Variants in AKAP6 observed in about 807,000 individuals in gnomAD.
AKAP6 encodes A-kinase anchor protein 6.
Under a neutral mutation model 188.5 loss-of-function variants are expected in AKAP6, and 58 were observed. The ratio of observed to expected loss-of-function variants is 0.31; its 90% CI spans 0.25 to 0.38. The LOEUF (loss-of-function observed/expected upper bound fraction) is 0.38, where lower values mean the gene tolerates loss of function less well. Ranked by LOEUF, AKAP6 falls within the 10% of genes least tolerant of loss-of-function variation. The pLI, the probability that AKAP6 is intolerant of heterozygous loss-of-function variation, is 1.00. For missense variants in AKAP6, 2,710 were observed against 2,740.0 expected (o/e 0.99, Z 0.24); for synonymous variants, 989 against 998.6 (o/e 0.99, Z 0.18).
chr14:32,676,495 G>A (rs10133657), intron 7 of AKAP6, among the ~76,000 whole-genome samples: 35,289 of 151,820 alleles, frequency 0.23, 5,077 homozygotes, highest in East Asian at 0.58. Flanking sequence ...TAGATCTAGC[G>A]TTTTCTTTGT....
Position 32,409,211 on chromosome 14 carries a change from CA to C in AKAP6, c.-34-24245del, listed in dbSNP as rs1460934410. 2.0e-5 allele frequency among the ~76,000 whole-genome samples: 3 copies of C among 152,054 alleles called. No homozygotes were observed. The East Asian group carries it at 5.8e-4, about 29-fold the overall frequency. The stretch of plus-strand genomic sequence containing the variant: ...CAAGACTCCGTCTCAAAAACCAAAA[CA>C]AAACAAAAAAGATTAGCATATGAAC... On this transcript the variant is annotated intron_variant, in intron 1 of 13. Coordinates refer to ENST00000280979, the MANE Select transcript of AKAP6 (RefSeq NM_004274.5).
At chr14:32,816,093 C>A (rs2140129182) in intron 12 of AKAP6, among the ~76,000 whole-genome samples, 1 of 152,302 alleles carries the variant, frequency 6.6e-6, no homozygotes, top group South Asian at 2.1e-4. Context: ...CCATTCTCTG[C>A]TCAATAAGAG....
At chr14:32,414,057 G>T (rs191996409) in intron 1 of AKAP6, among the ~76,000 whole-genome samples, 26 of 151,992 alleles carry the variant, frequency 1.7e-4, no homozygotes, top group Admixed American at 6.6e-4. Context: ...AATAAAATGA[G>T]AAACCAGCAC....
chr14:32,813,577 A>G (rs1232732941), intron 12 of AKAP6, among the ~76,000 whole-genome samples: 2 of 152,268 alleles, frequency 1.3e-5, no homozygotes, highest in East Asian at 3.9e-4. Context: ...AAGGTATTCT[A>G]TCGCTTAGGA....
At chr14:32,352,801 T>C (rs891754987) in intron 1 of AKAP6, among the ~76,000 whole-genome samples, 5 of 152,236 alleles carry the variant, frequency 3.3e-5, no homozygotes, top group Admixed American at 6.5e-5. Flanking sequence ...ATTCATCCAT[T>C]GATGGACACT....
Position 32,545,713 on chromosome 14 carries a change from C to G in AKAP6, c.1060C>G (p.His354Asp), listed in dbSNP as rs778586322. Reference sequence around the variant, plus strand: ...GCAAGAATCCAGTTCCTCCTCCCATCATGATGCAAAGAATCAGCAGCCTGT... The same window carrying G: ...GCAAGAATCCAGTTCCTCCTCCCATGATGATGCAAAGAATCAGCAGCCTGT... The part of the protein sequence containing the change: ...VQQESSSSSH[H>D]DAKNQQPVPC... The change falls in exon 4 of 14, where the codon CAT becomes GAT. Residue 354 changes from histidine to aspartate, a missense_variant. Around this residue, in one of 2 missense-constraint regions of AKAP6, gnomAD observed 2,473 missense variants for 2,426.1 expected, o/e 1.02. Coordinates refer to ENST00000280979, the MANE Select transcript of AKAP6 (RefSeq NM_004274.5). The G allele has an allele frequency of 3.7e-6, 6 of 1,614,208 alleles. No homozygotes were observed. Among genetic ancestry groups the G allele is most frequent in the South Asian group, 1.1e-5 (1 of 91,092 alleles).
intron 2 of AKAP6, among the ~76,000 whole-genome samples, chr14:32,453,928 C>A (rs1267844263): frequency 5.3e-5 from 8 of 152,180 alleles, no homozygotes; most frequent in East Asian, 1.9e-4. Flanking sequence ...GAAATAAAAT[C>A]TTTTTCTCAT....
intron 2 of AKAP6, among the ~76,000 whole-genome samples, chr14:32,482,617 A>G (rs1320131217): frequency 2.6e-5 from 4 of 152,196 alleles, no homozygotes; most frequent in Non-Finnish European, 4.4e-5. Flanking sequence ...TCTCTGCTGT[A>G]TTCCAAGGGC....
intron 4 of AKAP6, among the ~76,000 whole-genome samples, chr14:32,563,884 T>C (rs1884072262): frequency 6.6e-6 from 1 of 152,260 alleles, no homozygotes; most frequent in South Asian, 2.1e-4. Context: ...AACAACATTC[T>C]AATTTATAAT....
At chr14:32,782,744 T>G (rs2140024051) in intron 12 of AKAP6, among the ~76,000 whole-genome samples, 1 of 152,236 alleles carries the variant, frequency 6.6e-6, no homozygotes, top group South Asian at 2.1e-4. Context: ...CTGAGAGAAA[T>G]TATTAACAAA....
chr14:32,541,295 C>T (rs1882943020), intron 3 of AKAP6, among the ~76,000 whole-genome samples: 1 of 149,060 alleles, frequency 6.7e-6, no homozygotes, highest in Non-Finnish European at 1.5e-5. Flanking sequence ...ATACTTTATT[C>T]TCTGAGATGT....
intron 2 of AKAP6, among the ~76,000 whole-genome samples, chr14:32,482,232 T>C (rs930673359): frequency 2.6e-5 from 4 of 152,206 alleles, no homozygotes; most frequent in African/African-American, 9.7e-5. Context: ...AATAAAAGCC[T>C]GAAGTTCTTG....
intron 12 of AKAP6, among the ~76,000 whole-genome samples, chr14:32,798,781 T>C (rs1160442257): frequency 6.6e-6 from 1 of 152,100 alleles, no homozygotes; most frequent in Non-Finnish European, 1.5e-5. Context: ...CTGTACTTAT[T>C]ACCTGGGTAA....
rs1162974012 is a variant in AKAP6, at chr14:32,786,298, C to CTTTTTTTTTTT, written c.3588+12422_3588+12432dup. ...CCCTCTGAAAGACCTAAACCTTTATCTTTTTTTTTTTTTTTTTTTTTTTTT... is the reference window on the plus strand; with the variant it reads ...CCCTCTGAAAGACCTAAACCTTTATCTTTTTTTTTTTTTTTTTTTTTTTTTTTTTTTTTTTT... On this transcript the variant is annotated intron_variant, in intron 12 of 13. Transcript: ENST00000280979. Among the ~76,000 whole-genome samples the CTTTTTTTTTTT allele has an allele frequency of 1.1e-3, 89 of 82,554 alleles. 9 individuals carry two copies. Among genetic ancestry groups the CTTTTTTTTTTT allele is most frequent in the Middle Eastern group, 0.019 (2 of 104 alleles). The allele number at this position is 82,554 out of a possible 152,430, so 54.2% of individuals were successfully genotyped here. A position where few individuals can be genotyped will look rare whatever the true frequency, so the allele number is the denominator to read the frequency against.
At chr14:32,789,292 A>G (rs1200804197) in intron 12 of AKAP6, among the ~76,000 whole-genome samples, 1 of 152,224 alleles carries the variant, frequency 6.6e-6, no homozygotes, top group Non-Finnish European at 1.5e-5. Context: ...CAGCCATTCC[A>G]GCCTGCCAGC....
At chr14:32,774,326 G>A (rs1270051622) in intron 12 of AKAP6, among the ~76,000 whole-genome samples, 1 of 152,192 alleles carries the variant, frequency 6.6e-6, no homozygotes, top group Non-Finnish European at 1.5e-5. Context: ...ATGCTCTGCA[G>A]ATAATACAAC....
At chr14:32,538,382 C>T (rs1160739875) in intron 3 of AKAP6, among the ~76,000 whole-genome samples, 1 of 152,134 alleles carries the variant, frequency 6.6e-6, no homozygotes, top group Non-Finnish European at 1.5e-5. Flanking sequence ...AGTAGATGTC[C>T]TTCCAGTAAA....
intron 12 of AKAP6, among the ~76,000 whole-genome samples, chr14:32,801,074 G>T (rs1423352460): frequency 6.6e-6 from 1 of 152,004 alleles, no homozygotes; most frequent in Non-Finnish European, 1.5e-5. Context: ...GTTGGGTCTT[G>T]TTCTTTTGTC....
At chr14:32,587,334 A>G (rs572090825) in intron 5 of AKAP6, among the ~76,000 whole-genome samples, 1 of 152,326 alleles carries the variant, frequency 6.6e-6, no homozygotes, top group Non-Finnish European at 1.5e-5. Context: ...TTCTAAAAGC[A>G]TACGGATATC....
Sources: gnomAD v4.1 joint callset for allele counts (sites outside exome capture counted in the v4.1 genomes callset) on GRCh38, gnomAD v4.1.1 for gene constraint, gnomAD v4.1.1 regional missense constraint, MANE v1.5 for transcripts, NCBI Gene and HGNC (gene_info 2026-07-23, HGNC 2026-07-21) for gene names.